Variants in METTL15 observed in about 807,000 individuals in gnomAD.
METTL15 encodes 12S rRNA N(4)-cytidine methyltransferase METTL15.
A neutral mutation model predicts 38.3 loss-of-function variants in METTL15; 34 were observed. That is an observed-to-expected ratio of 0.89 (90% CI 0.68 to 1.18). The LOEUF is 1.18. Among genes scored for constraint, METTL15 ranks in the 50% most tolerant of loss-of-function variants. The probability of loss-of-function intolerance (pLI) is 0.00; values close to 1 mark genes in which losing one functional copy is unlikely to be tolerated. For missense variants in METTL15, 438 were observed against 498.4 expected, an observed-to-expected ratio of 0.88 and a Z score of 1.15; for synonymous variants, 162 against 170.9, an observed-to-expected ratio of 0.95 and a Z score of 0.41.
intron 3 of METTL15, among the ~76,000 whole-genome samples, chr11:28,124,202 A>C (rs76496810): frequency 2.0e-5 from 3 of 152,180 alleles, no homozygotes; most frequent in Non-Finnish European, 4.4e-5. Context: ...TTTCCCCTCA[A>C]ACCTAAGTGT....
At chr11:28,323,036 A>G (rs1015078233) in intron 6 of METTL15, among the ~76,000 whole-genome samples, 2 of 152,188 alleles carry the variant, frequency 1.3e-5, no homozygotes, top group Non-Finnish European at 2.9e-5. Flanking sequence ...GTATATGTAT[A>G]TATATGCACA....
intron 6 of METTL15, among the ~76,000 whole-genome samples, chr11:28,469,027 A>G (rs1305246906): frequency 6.6e-6 from 1 of 152,190 alleles, no homozygotes; most frequent in Non-Finnish European, 1.5e-5. Flanking sequence ...ATTTTAAAAG[A>G]ATGATGTAGC....
chr11:28,359,167 A>G (rs1384376031), intron 4 of METTL15, among the ~76,000 whole-genome samples: 1 of 152,148 alleles, frequency 6.6e-6, no homozygotes, highest in Non-Finnish European at 1.5e-5. Context: ...CCTCACTTAG[A>G]AGTGAGAACA....
intron 6 of METTL15, among the ~76,000 whole-genome samples, chr11:28,436,927 A>T (rs1471221807): frequency 6.6e-6 from 1 of 152,228 alleles, no homozygotes; most frequent in Non-Finnish European, 1.5e-5. Context: ...CTGGGTGGGC[A>T]CCATCTAATC....
At chr11:28,333,762 G>C (rs1849873888), downstream of METTL15, among the ~76,000 whole-genome samples, 1 of 151,660 alleles carries the variant, frequency 6.6e-6, no homozygotes, top group Non-Finnish European at 1.5e-5. Flanking sequence ...TATATTATTT[G>C]TGCTTAAATT....
rs879918814 is a variant in METTL15 at position 28,235,189 on chromosome 11, T to A, written c.407+23991T>A. On this transcript the variant is annotated intron_variant, in intron 4 of 6. Transcript: ENST00000407364. ...TATCTCTGTTTTGGTACCAGTACCA[T>A]GCTGTTTTGGTTACTGTAGCCTTGT... Among the ~76,000 whole-genome samples, 12 of 152,112 alleles carry A rather than the reference T, an allele frequency of 7.9e-5. 1 individual carries two copies. The highest frequency in any genetic ancestry group is 3.3e-4 in the Admixed American group (5 of 15,264).
chr11:28,500,729 G>T (rs1241419398), intron 6 of METTL15, among the ~76,000 whole-genome samples: 5 of 152,050 alleles, frequency 3.3e-5, no homozygotes. Flanking sequence ...CACCATGTTG[G>T]CCAGGCTGGT....
At chr11:28,284,561 T>G (rs1267835625) in intron 4 of METTL15, among the ~76,000 whole-genome samples, 1 of 152,048 alleles carries the variant, frequency 6.6e-6, no homozygotes, top group Non-Finnish European at 1.5e-5. Context: ...TGTACTTACA[T>G]TTAAAAAAAT....
At chr11:28,145,904 T>G (rs1849866387) in intron 3 of METTL15, among the ~76,000 whole-genome samples, 1 of 152,010 alleles carries the variant, frequency 6.6e-6, no homozygotes, top group African/African-American at 2.4e-5. Context: ...ATGGGGTAGA[T>G]GTATGATGAT....
chr11:28,436,104 C>A (rs1450203327), intron 6 of METTL15, among the ~76,000 whole-genome samples: 1 of 152,134 alleles, frequency 6.6e-6, no homozygotes, highest in African/African-American at 2.4e-5. Context: ...TTGCTTAAAT[C>A]CTAAAGTTCA....
chr11:28,284,910 T>A (rs1856193441), intron 4 of METTL15, among the ~76,000 whole-genome samples: 2 of 152,072 alleles, frequency 1.3e-5, no homozygotes, highest in Admixed American at 6.6e-5. Context: ...CCCATCCAAA[T>A]CTCACCTCAA....
intron 4 of METTL15, among the ~76,000 whole-genome samples, chr11:28,356,532 G>T (rs1308745619): frequency 6.6e-6 from 1 of 152,174 alleles, no homozygotes; most frequent in Non-Finnish European, 1.5e-5. Flanking sequence ...AAAACTCTCT[G>T]CAGGAAAGTT....
chr11:28,251,489 G>A (rs560575193), intron 4 of METTL15, among the ~76,000 whole-genome samples: 18 of 151,972 alleles, frequency 1.2e-4, no homozygotes, highest in East Asian at 3.9e-4. Flanking sequence ...TAAATTAGTC[G>A]TTACTGCAGG....
At chr11:28,121,375 A>G (rs756868656) in intron 3 of METTL15, among the ~76,000 whole-genome samples, 7 of 152,158 alleles carry the variant, frequency 4.6e-5, no homozygotes, top group Non-Finnish European at 1.0e-4. Flanking sequence ...TTTTTAATTT[A>G]TGCACTGGGA....
At chr11:28,255,082 T>G (rs1236721294) in intron 4 of METTL15, among the ~76,000 whole-genome samples, 1 of 152,202 alleles carries the variant, frequency 6.6e-6, no homozygotes, top group African/African-American at 2.4e-5. Context: ...ACAATATTCT[T>G]CCATTCCATG....
At chr11:28,367,967 G>T (rs554536992) in intron 5 of METTL15, among the ~76,000 whole-genome samples, 3 of 151,740 alleles carry the variant, frequency 2.0e-5, no homozygotes, top group African/African-American at 4.8e-5. Context: ...AGACTTAAAC[G>T]TAAGACCTAG....
intron 6 of METTL15, among the ~76,000 whole-genome samples, chr11:28,437,931 CT>C (rs1850997105): frequency 6.6e-6 from 1 of 152,206 alleles, no homozygotes. Flanking sequence ...AGGGCAGGGA[CT>C]TTGTCTATCC....
At chr11:28,121,814 A>G (rs555888822) in intron 3 of METTL15, among the ~76,000 whole-genome samples, 1 of 152,128 alleles carries the variant, frequency 6.6e-6, no homozygotes, top group East Asian at 1.9e-4. Flanking sequence ...ATTTTATGAT[A>G]AGCTTTATGT....
intron 3 of METTL15, among the ~76,000 whole-genome samples, chr11:28,343,168 C>A: frequency 6.8e-6 from 1 of 146,432 alleles, no homozygotes; most frequent in Middle Eastern, 3.6e-3. Context: ...CCATTGTATA[C>A]ATACATATAT....
Sources: allele counts gnomAD v4.1 joint callset (sites outside exome capture counted in the v4.1 genomes callset), GRCh38; gene constraint gnomAD v4.1.1; transcripts MANE v1.5; gene names NCBI Gene and HGNC (gene_info 2026-07-23, HGNC 2026-07-21).